The following ADRA2C variants were observed in gnomAD, a reference collection of about 807,000 sequenced individuals.
ADRA2C encodes alpha-2C adrenergic receptor.
Under a neutral mutation model 7.9 loss-of-function variants are expected in ADRA2C, and 4 were observed. The ratio of observed to expected loss-of-function variants is 0.51; its 90% CI spans 0.25 to 1.16. ADRA2C has a LOEUF of 1.16. Ranked by LOEUF, ADRA2C falls within the 50% of genes most tolerant of loss-of-function variation. The pLI is 0.15. For missense variants in ADRA2C, 589 were observed against 677.7 expected (o/e 0.87, Z 1.45); for synonymous variants, 368 against 328.9 (o/e 1.12, Z -1.29).
In ADRA2C at chr4:3,767,220, A is replaced by G. The variant is rs1223005173; in HGVS notation, c.614A>G (p.Asn205Ser). Residue 205 changes from asparagine to serine, a missense_variant, in exon 1 of 1, where the codon AAC (asparagine) becomes AGC (serine). By Grantham distance (46) the Asn-to-Ser change is conservative. Transcript: ENST00000330055. ...GCCGCCTACCCGCAGTGCGGCCTCAACGACGAGACCTGGTACATCCTGTCC... is the reference window on the plus strand; with the variant it reads ...GCCGCCTACCCGCAGTGCGGCCTCAGCGACGAGACCTGGTACATCCTGTCC... ...DGAAYPQCGL[N>S]DETWYILSSC... The G allele has an allele frequency of 5.0e-6, 8 of 1,610,676 alleles. No homozygotes were observed. Among genetic ancestry groups the G allele is most frequent in the Non-Finnish European group, 6.8e-6 (8 of 1,179,304 alleles).
In ADRA2C at chr4:3,767,479, G is replaced by A; in HGVS notation, c.873G>A (p.Ala291=). The change falls in exon 1 of 1, where the codon GCG becomes GCA. Residue 291 remains alanine (A), a synonymous_variant. Transcript: ENST00000330055. ...ADVEPDESSA[A]AERRRRRGAL... ...TGGAGCCGGACGAGAGCAGCGCAGC[G>A]GCCGAGAGGCGGCGGCGCCGGGGCG... is the stretch of plus-strand genomic sequence containing the variant. 1.6e-6 allele frequency: 2 copies of A among 1,232,594 alleles called. No individual in the cohort carries two copies. Among genetic ancestry groups the A allele is most frequent in the Non-Finnish European group, 2.0e-6 (2 of 988,942 alleles). 76.4% of individuals were successfully genotyped at this position (1,232,594 alleles called of 1,614,324 possible).
chr4:3,767,963 T>C lies in ADRA2C; in HGVS notation c.1357T>C (p.Phe453Leu). The change falls in exon 1 of 1, where the codon TTC becomes CTC. Residue 453 changes from phenylalanine to leucine, a missense_variant. Coordinates refer to ENST00000330055, the MANE Select transcript of ADRA2C (RefSeq NM_000683.4). ...DFRRSFKHIL[F>L]RRRRRGFRQ ...CCGGCGATCCTTTAAGCACATCCTCTTCCGACGGAGGAGAAGGGGCTTCAG... is the reference window on the plus strand; with the variant it reads ...CCGGCGATCCTTTAAGCACATCCTCCTCCGACGGAGGAGAAGGGGCTTCAG... 2 of 1,609,922 alleles carry C rather than the reference T, an allele frequency of 1.2e-6. No homozygotes were observed. The highest frequency in any genetic ancestry group is 1.7e-4 in the Middle Eastern group (1 of 6,054).
chr4:3,767,733 G>C lies in ADRA2C; in HGVS notation c.1127G>C (p.Arg376Pro), dbSNP rs1735487403. ...TGCCGCCGCAAGGTGGCCCAGGCGC[G>C]CGAGAAGCGCTTCACCTTTGTGCTG... ...SVCRRKVAQA[R>P]EKRFTFVLAV... The change falls in exon 1 of 1, where the codon CGC (arginine) becomes CCC (proline). Residue 376 changes from arginine to proline, a missense_variant. By Grantham distance (103) the Arg-to-Pro change is moderately radical (BLOSUM62 -2). Coordinates refer to ENST00000330055, the MANE Select transcript of ADRA2C (RefSeq NM_000683.4). The C allele has an allele frequency of 2.5e-6, 4 of 1,612,238 alleles. No individual in the cohort carries two copies. Among genetic ancestry groups the C allele is most frequent in the Non-Finnish European group, 3.4e-6 (4 of 1,179,492 alleles).
rs769306805 is a variant in ADRA2C at position 3,767,337 on chromosome 4, T to G, written c.731T>G (p.Leu244Arg). The change falls in exon 1 of 1, where the codon CTC (leucine) becomes CGC (arginine). Residue 244 changes from leucine (L) to arginine (R), a missense_variant. By Grantham distance (102) the Leu-to-Arg change is moderately radical (BLOSUM62 -2). Coordinates refer to ENST00000330055, the MANE Select transcript of ADRA2C (RefSeq NM_000683.4). ...YRVAKLRTRT[L>R]SEKRAPVGPD... is the part of the protein sequence containing the mutation. ...GTGGCCAAGCTGCGCACGCGCACGC[T>G]CAGCGAGAAGCGCGCCCCCGTGGGC... 1.8e-4 allele frequency: 289 copies of G among 1,564,216 alleles called. No individual in the cohort carries two copies. The highest frequency in any genetic ancestry group is 2.4e-4 in the Non-Finnish European group (274 of 1,157,474).
Position 3,766,654 on chromosome 4 carries a change from G to C in ADRA2C, c.48G>C (p.Ala16=), listed in dbSNP as rs1385508540. 3 of 1,239,702 alleles carry C rather than the reference G, an allele frequency of 2.4e-6. No individual in the cohort carries two copies. Among genetic ancestry groups the C allele is most frequent in the Admixed American group, 8.6e-5 (2 of 23,270 alleles). 76.8% of individuals were successfully genotyped at this position (1,239,702 alleles called of 1,614,324 possible). Residue 16 remains alanine (A), a synonymous_variant, in exon 1 of 1, where the codon GCG becomes GCC. Transcript: ENST00000330055. The surrounding 1 kb of genome is among the most constrained non-coding windows in gnomAD (Gnocchi z 4.5). ...CGGCGCTGGCGGTGGCGGCAGCGGC[G>C]GGCCCCAATGCGAGCGGCGCGGGCG... The part of the protein sequence containing the change: ...LAAALAVAAA[A]GPNASGAGER...
chr4:3,767,280 T>G lies in ADRA2C; in HGVS notation c.674T>G (p.Ile225Ser). The G allele has an allele frequency of 6.2e-7, 1 of 1,604,506 alleles. No homozygotes were observed. Among genetic ancestry groups the G allele is most frequent in the Non-Finnish European group, 8.5e-7 (1 of 1,176,316 alleles). ...CIGSFFAPCL[I>S]MGLVYARIYR... ...GGCTCCTTCTTCGCGCCCTGCCTCATCATGGGCCTGGTCTACGCGCGCATC... is the reference window on the plus strand; with the variant it reads ...GGCTCCTTCTTCGCGCCCTGCCTCAGCATGGGCCTGGTCTACGCGCGCATC... Residue 225 changes from isoleucine to serine, a missense_variant, in exon 1 of 1, where the codon ATC (isoleucine) becomes AGC (serine). Physicochemically the swap from Ile to Ser is moderately radical, Grantham distance 142. Transcript: ENST00000330055.
Position 3,767,369 on chromosome 4 carries a change from G to T in ADRA2C, c.763G>T (p.Gly255Cys), listed in dbSNP as rs1194687074. 2 of 1,541,858 alleles carry T rather than the reference G, an allele frequency of 1.3e-6. No individual in the cohort carries two copies. Among genetic ancestry groups the T allele is most frequent in the South Asian group, 2.4e-5 (2 of 84,102 alleles). Residue 255 changes from glycine (G) to cysteine (C), a missense_variant, in exon 1 of 1, where the codon GGT (glycine) becomes TGT (cysteine). Physicochemically the swap from Gly to Cys is radical, Grantham distance 159. Transcript: ENST00000330055. ...GAAGCGCGCCCCCGTGGGCCCCGAC[G>T]GTGCGTCCCCGACTACCGAAAACGG... ...SEKRAPVGPD[G>C]ASPTTENGLG...
At position 3,767,373 on chromosome 4, in the gene ADRA2C, C is replaced by T. The variant is rs549493033; in HGVS notation, c.767C>T (p.Ala256Val). Residue 256 changes from alanine (A) to valine (V), a missense_variant, in exon 1 of 1, where the codon GCG becomes GTG. Transcript: ENST00000330055. ...EKRAPVGPDG[A>V]SPTTENGLGA... ...CGCGCCCCCGTGGGCCCCGACGGTG[C>T]GTCCCCGACTACCGAAAACGGGCTG... 459 of 1,540,172 alleles carry T rather than the reference C, an allele frequency of 3.0e-4. No individual in the cohort carries two copies. In the African/African-American group the frequency reaches 5.0e-3, roughly 17 times the overall value.
Position 3,767,705 on chromosome 4 carries a change from G to C in ADRA2C, c.1099G>C (p.Val367Leu), listed in dbSNP as rs1735486309. Residue 367 changes from valine (V) to leucine (L), a missense_variant, in exon 1 of 1, where the codon GTG (valine) becomes CTG (leucine). Physicochemically the swap from Val to Leu is conservative, Grantham distance 32. Transcript: ENST00000330055. The stretch of plus-strand genomic sequence containing the variant: ...GCGCCGGCGCCGGGCGCGCAGCAGC[G>C]TGTGCCGCCGCAAGGTGGCCCAGGC... ...LSRRRRARSSVCRRKVAQARE... is the reference protein window; with the variant it reads ...LSRRRRARSSLCRRKVAQARE... 2 of 1,608,562 alleles carry C rather than the reference G, an allele frequency of 1.2e-6. No homozygotes were observed. Among genetic ancestry groups the C allele is most frequent in the Admixed American group, 1.7e-5 (1 of 59,644 alleles).
In ADRA2C at chr4:3,766,923, C is replaced by T; in HGVS notation, c.317C>T (p.Pro106Leu). The change falls in exon 1 of 1, where the codon CCC becomes CTC. Residue 106 changes from proline to leucine, a missense_variant. Coordinates refer to ENST00000330055, the MANE Select transcript of ADRA2C (RefSeq NM_000683.4). The surrounding 1 kb of genome is among the most constrained non-coding windows in gnomAD (Gnocchi z 4.5). ...ATCCTGGTGGCCACGCTGGTCATGC[C>T]CTTCTCGTTGGCCAACGAGCTCATG... is the stretch of plus-strand genomic sequence containing the variant. ...ADILVATLVM[P>L]FSLANELMAY... 1.2e-6 allele frequency: 2 copies of T among 1,610,906 alleles called. No homozygotes were observed. Among genetic ancestry groups the T allele is most frequent in the Non-Finnish European group, 1.7e-6 (2 of 1,179,834 alleles).
Position 3,766,695 on chromosome 4 carries a change from G to C in ADRA2C, c.89G>C (p.Gly30Ala), listed in dbSNP as rs1577304236. ...GGCGCGGGCGAGAGGGGCAGCGGCGGGGTTGCCAATGCCTCGGGGGCTTCC... is the reference window on the plus strand; with the variant it reads ...GGCGCGGGCGAGAGGGGCAGCGGCGCGGTTGCCAATGCCTCGGGGGCTTCC... ...ASGAGERGSG[G>A]VANASGASWG... The change falls in exon 1 of 1, where the codon GGG becomes GCG. Residue 30 changes from glycine to alanine, a missense_variant. Physicochemically the swap from Gly to Ala is moderately conservative, Grantham distance 60 (BLOSUM62 0). Coordinates refer to ENST00000330055, the MANE Select transcript of ADRA2C (RefSeq NM_000683.4). This position sits in a 1 kb window ranked among gnomAD's most constrained non-coding sequence, Gnocchi z 4.5. The C allele has an allele frequency of 1.4e-6, 2 of 1,431,918 alleles. No homozygotes were observed. Among genetic ancestry groups the C allele is most frequent in the Admixed American group, 2.9e-5 (1 of 34,070 alleles). The allele number at this position is 1,431,918 out of a possible 1,614,324, so 88.7% of individuals were successfully genotyped here.
rs771191222 is a variant in ADRA2C, at chr4:3,766,942, G to A, written c.336G>A (p.Glu112=). The part of the protein sequence containing the change: ...TLVMPFSLAN[E]LMAYWYFGQV... Reference sequence around the variant, plus strand: ...TCATGCCCTTCTCGTTGGCCAACGAGCTCATGGCCTACTGGTACTTCGGGC... The same window carrying A: ...TCATGCCCTTCTCGTTGGCCAACGAACTCATGGCCTACTGGTACTTCGGGC... The change falls in exon 1 of 1, where the codon GAG becomes GAA. Residue 112 remains glutamate (E), a synonymous_variant. Transcript: ENST00000330055. The surrounding 1 kb of genome is among the most constrained non-coding windows in gnomAD (Gnocchi z 4.5). The A allele has an allele frequency of 2.5e-6, 4 of 1,610,794 alleles. No homozygotes were observed. The highest frequency in any genetic ancestry group is 1.6e-4 in the Middle Eastern group (1 of 6,084).
At position 3,767,322 on chromosome 4, in the gene ADRA2C, T is replaced by TGCGCAC. The variant is rs1560345234; in HGVS notation, c.725_730dup (p.Arg242_Thr243dup). ...GCGCGCATCTACCGAGTGGCCAAGC[T>TGCGCAC]GCGCACGCGCACGCTCAGCGAGAAG... On this transcript the variant is annotated inframe_insertion, in exon 1 of 1. Transcript: ENST00000330055. 1.9e-6 allele frequency: 3 copies of TGCGCAC among 1,579,300 alleles called. No homozygotes were observed. Among genetic ancestry groups the TGCGCAC allele is most frequent in the Admixed American group, 3.6e-5 (2 of 55,172 alleles).
chr4:3,768,195 C>T lies in ADRA2C; in HGVS notation c.*200C>T, dbSNP rs368697409. 7.1e-5 allele frequency: 52 copies of T among 727,794 alleles called. No homozygotes were observed. Among genetic ancestry groups the T allele is most frequent in the East Asian group, 5.6e-4 (21 of 37,316 alleles). The allele number at this position is 727,794 out of a possible 1,614,324, so 45.1% of individuals were successfully genotyped here. A position where few individuals can be genotyped will look rare whatever the true frequency, so the allele number is the denominator to read the frequency against. The stretch of plus-strand genomic sequence containing the variant: ...AGGAGAGAGGGGGAGACCCCTTTGC[C>T]TTCCCCCCTCAGCAAGGGGCTGCTT... On this transcript the variant is annotated 3_prime_UTR_variant, in exon 1 of 1. Coordinates refer to ENST00000330055, the MANE Select transcript of ADRA2C (RefSeq NM_000683.4).
In ADRA2C at chr4:3,767,661, C is replaced by T. The variant is rs1237221094; in HGVS notation, c.1055C>T (p.Ser352Phe). 1 of 1,509,602 alleles carries T rather than the reference C, an allele frequency of 6.6e-7. No homozygotes were observed. The highest frequency in any genetic ancestry group is 2.3e-5 in the Admixed American group (1 of 44,120). The allele number at this position is 1,509,602 out of a possible 1,614,324, so 93.5% of individuals were successfully genotyped here. ...CGCCTGTCGCGCGCCAGCTCGCGCT[C>T]CGTCGAGTTCTTCCTGTCGCGCCGG... Reference protein sequence around the residue: ...GGRLSRASSRSVEFFLSRRRR... With the variant: ...GGRLSRASSRFVEFFLSRRRR... The change falls in exon 1 of 1, where the codon TCC becomes TTC. Residue 352 changes from serine to phenylalanine, a missense_variant. Physicochemically the swap from Ser to Phe is radical, Grantham distance 155. Coordinates refer to ENST00000330055, the MANE Select transcript of ADRA2C (RefSeq NM_000683.4).
Position 3,767,951 on chromosome 4 carries a change from A to T in ADRA2C, c.1345A>T (p.Lys449Ter). The T allele has an allele frequency of 6.2e-7, 1 of 1,610,980 alleles. No homozygotes were observed. Among genetic ancestry groups the T allele is most frequent in the Non-Finnish European group, 8.5e-7 (1 of 1,179,902 alleles). The stretch of plus-strand genomic sequence containing the variant: ...CAACCAGGATTTCCGGCGATCCTTT[A>T]AGCACATCCTCTTCCGACGGAGGAG... ...VFNQDFRRSF[K>*]HILFRRRRRG... The change falls in exon 1 of 1, where the codon AAG (lysine) becomes TAG (stop). Residue 449 changes from lysine to a stop codon, truncating the protein, a stop_gained. Transcript: ENST00000330055. LOFTEE classifies it high-confidence loss of function.
Position 3,767,467 on chromosome 4 carries a change from G to A in ADRA2C, c.861G>A (p.Glu287=). The change falls in exon 1 of 1, where the codon GAG becomes GAA. Residue 287 remains glutamate, a synonymous_variant. Coordinates refer to ENST00000330055, the MANE Select transcript of ADRA2C (RefSeq NM_000683.4). Reference sequence around the variant, plus strand: ...CGCCCGCCGACGTGGAGCCGGACGAGAGCAGCGCAGCGGCCGAGAGGCGGC... The same window carrying A: ...CGCCCGCCGACGTGGAGCCGGACGAAAGCAGCGCAGCGGCCGAGAGGCGGC... ...APPPADVEPD[E]SSAAAERRRR... 2.1e-6 allele frequency: 3 copies of A among 1,411,010 alleles called. No individual in the cohort carries two copies. The East Asian group carries it at 8.9e-5, about 42-fold the overall frequency. The allele number at this position is 1,411,010 out of a possible 1,614,324, so 87.4% of individuals were successfully genotyped here.
rs965282379 is a variant in ADRA2C, at chr4:3,768,167, G to C, written c.*172G>C. ...AGAGATAGCCGGGCTCCAGGGAGTG[G>C]GGAGGAGAGAGGGGGAGACCCCTTT... On this transcript the variant is annotated 3_prime_UTR_variant, in exon 1 of 1. Transcript: ENST00000330055. The C allele has an allele frequency of 4.0e-6, 3 of 750,576 alleles. No individual in the cohort carries two copies. The highest frequency in any genetic ancestry group is 3.5e-5 in the African/African-American group (2 of 57,676). The allele number at this position is 750,576 out of a possible 1,614,324, so 46.5% of individuals were successfully genotyped here.
At position 3,767,225 on chromosome 4, in the gene ADRA2C, G is replaced by C; in HGVS notation, c.619G>C (p.Glu207Gln). The part of the protein sequence containing the change: ...AAYPQCGLND[E>Q]TWYILSSCIG... ...CTACCCGCAGTGCGGCCTCAACGACGAGACCTGGTACATCCTGTCCTCCTG... is the reference window on the plus strand; with the variant it reads ...CTACCCGCAGTGCGGCCTCAACGACCAGACCTGGTACATCCTGTCCTCCTG... The change falls in exon 1 of 1, where the codon GAG (glutamate) becomes CAG (glutamine). Residue 207 changes from glutamate to glutamine, a missense_variant. Glu to Gln is a conservative substitution (Grantham distance 29). Transcript: ENST00000330055. 4.3e-6 allele frequency: 7 copies of C among 1,610,674 alleles called. No individual in the cohort carries two copies. The highest frequency in any genetic ancestry group is 5.9e-6 in the Non-Finnish European group (7 of 1,179,282).
Sources: gnomAD v4.1 joint callset for allele counts on GRCh38, gnomAD v4.1.1 for gene constraint, Gnocchi (gnomAD v3.1) non-coding constraint, MANE v1.5 for transcripts, NCBI Gene and HGNC (gene_info 2026-07-23, HGNC 2026-07-21) for gene names.